The following RPS6KC1 variants were observed in gnomAD, a reference collection of about 807,000 sequenced individuals.
RPS6KC1 encodes the protein inactive ribosomal protein S6 kinase delta-1.
RPS6KC1 carries 54 observed loss-of-function variants against 103.8 expected under a neutral mutation model. That is an observed-to-expected ratio of 0.52 (90% CI 0.42 to 0.65). The LOEUF is 0.65. RPS6KC1 is among the 30% of genes least tolerant of loss of function. The pLI is 0.00. For synonymous variants in RPS6KC1, 439 were observed against 438.7 expected, an observed-to-expected ratio of 1.00 and a Z score of -0.01; for missense variants, 1,151 against 1,253.8, an observed-to-expected ratio of 0.92 and a Z score of 1.24.
the RPS6KC1 span, among the ~76,000 whole-genome samples, chr1:213,507,546 C>T: frequency 1.3e-4 from 17 of 135,054 alleles, no homozygotes; most frequent in African/African-American, 5.2e-4. Flanking sequence ...GGTCAACCCT[C>T]TCATTTTTTT....
At chr1:213,517,871 T>C in the RPS6KC1 span, among the ~76,000 whole-genome samples, 34 of 152,210 alleles carry the variant, frequency 2.2e-4, no homozygotes, top group African/African-American at 7.7e-4. Context: ...TCTAAGTCTC[T>C]TCGTAGGTGT....
At chr1:213,504,488 G>T in the RPS6KC1 span, among the ~76,000 whole-genome samples, 3 of 151,992 alleles carry the variant, frequency 2.0e-5, no homozygotes, top group Non-Finnish European at 4.4e-5. Context: ...TTCACTTTTG[G>T]CTCATACCCA....
At chr1:213,791,810 G>T in the RPS6KC1 span, among the ~76,000 whole-genome samples, 4 of 152,096 alleles carry the variant, frequency 2.6e-5, no homozygotes, top group Non-Finnish European at 5.9e-5. Context: ...TATTCTCAAG[G>T]TTACCTAATG....
chr1:213,449,900 A>T, the RPS6KC1 span, among the ~76,000 whole-genome samples: 5,026 of 152,248 alleles, frequency 0.033, 248 homozygotes, highest in East Asian at 0.25. Context: ...TTCTTCAGAA[A>T]TTATTCCAGG....
At chr1:213,716,447 T>C in the RPS6KC1 span, among the ~76,000 whole-genome samples, 1 of 152,208 alleles carries the variant, frequency 6.6e-6, no homozygotes, top group South Asian at 2.1e-4. Flanking sequence ...TTGGTATTCT[T>C]GGGAGGTAGA....
the RPS6KC1 span, among the ~76,000 whole-genome samples, chr1:213,715,097 A>C: frequency 6.6e-6 from 1 of 152,210 alleles, no homozygotes; most frequent in Non-Finnish European, 1.5e-5. Flanking sequence ...ATTCTTATTT[A>C]GGTCTAGGCA....
At chr1:213,151,904 C>A (rs182673203) in intron 6 of RPS6KC1, among the ~76,000 whole-genome samples, 1 of 90,890 alleles carries the variant, frequency 1.1e-5, no homozygotes, top group Non-Finnish European at 2.2e-5. Flanking sequence ...CCCTCCAAGA[C>A]GGGGCGGCTG....
chr1:213,255,369 C>G (rs1424904099), intron 12 of RPS6KC1, among the ~76,000 whole-genome samples: 1 of 151,084 alleles, frequency 6.6e-6, no homozygotes, highest in African/African-American at 2.4e-5. Flanking sequence ...CTACTTGTTT[C>G]TAGAGATTTT....
the RPS6KC1 span, among the ~76,000 whole-genome samples, chr1:213,684,852 G>A: frequency 1.3e-5 from 2 of 152,224 alleles, no homozygotes; most frequent in East Asian, 1.9e-4. Flanking sequence ...GCCTTTCTGC[G>A]AATGAAGTTG....
chr1:213,520,082 T>C, the RPS6KC1 span, among the ~76,000 whole-genome samples: 59 of 152,326 alleles, frequency 3.9e-4, no homozygotes, highest in African/African-American at 1.4e-3. Context: ...ATTATGTGTC[T>C]AAACTCTGTT....
At chr1:213,174,516 A>G (rs2091720372) in intron 7 of RPS6KC1, among the ~76,000 whole-genome samples, 1 of 152,030 alleles carries the variant, frequency 6.6e-6, no homozygotes, top group South Asian at 2.1e-4. Context: ...CTAAGAATAC[A>G]GAAATTAGCT....
chr1:213,118,792 T>C (rs77689818), intron 5 of RPS6KC1, among the ~76,000 whole-genome samples: 2,878 of 152,244 alleles, frequency 0.019, 93 homozygotes, highest in African/African-American at 0.064. Context: ...GGGTCTTCAC[T>C]GAGTTCTCAG....
At chr1:213,815,407 T>C in the RPS6KC1 span, among the ~76,000 whole-genome samples, 5 of 152,184 alleles carry the variant, frequency 3.3e-5, no homozygotes, top group African/African-American at 1.2e-4. Flanking sequence ...ACTCCAAACA[T>C]TTTAGTTATG....
chr1:213,388,115 G>A, the RPS6KC1 span, among the ~76,000 whole-genome samples: 1 of 152,352 alleles, frequency 6.6e-6, no homozygotes, highest in Admixed American at 6.5e-5. Flanking sequence ...GCTTGTGTGT[G>A]GAATTTCAAT....
chr1:213,279,064 A>G (rs2095117989), downstream of RPS6KC1, among the ~76,000 whole-genome samples: 1 of 152,148 alleles, frequency 6.6e-6, no homozygotes, highest in South Asian at 2.1e-4. Context: ...TGCCATGCTG[A>G]GACATTTGGA....
chr1:213,795,578 G>A, the RPS6KC1 span, among the ~76,000 whole-genome samples: 4 of 152,088 alleles, frequency 2.6e-5, no homozygotes, highest in African/African-American at 9.7e-5. Flanking sequence ...TAATTCAAAG[G>A]TGAATTTCTG....
the RPS6KC1 span, among the ~76,000 whole-genome samples, chr1:213,569,031 T>C: frequency 6.6e-6 from 1 of 152,126 alleles, no homozygotes; most frequent in South Asian, 2.1e-4. Context: ...AGCACCTAAC[T>C]CCCTTCCCCC....
the RPS6KC1 span, among the ~76,000 whole-genome samples, chr1:213,784,599 G>A: frequency 2.0e-5 from 3 of 152,186 alleles, no homozygotes; most frequent in South Asian, 6.2e-4. Flanking sequence ...ACTTGCTGAA[G>A]GTTGCACAGC....
the RPS6KC1 span, among the ~76,000 whole-genome samples, chr1:213,849,466 T>C: frequency 6.6e-6 from 1 of 152,242 alleles, no homozygotes; most frequent in Non-Finnish European, 1.5e-5. Flanking sequence ...TCTAAGTTCT[T>C]AATTATACTA....
Sources: gnomAD v4.1 joint callset for allele counts (sites outside exome capture counted in the v4.1 genomes callset) on GRCh38, gnomAD v4.1.1 for gene constraint, MANE v1.5 for transcripts, NCBI Gene and HGNC (gene_info 2026-07-23, HGNC 2026-07-21) for gene names.